Variants in PTPRN2 observed in about 807,000 individuals in gnomAD.
The protein encoded by PTPRN2 is protein tyrosine phosphatase receptor type N2, also known as receptor-type tyrosine-protein phosphatase N2.
A neutral mutation model predicts 118.8 loss-of-function variants in PTPRN2; 74 were observed. The ratio of observed to expected loss-of-function variants is 0.62; its 90% CI spans 0.52 to 0.76. The LOEUF is 0.76. Ranked by LOEUF, PTPRN2 falls within the 30% of genes least tolerant of loss-of-function variation. The pLI, the probability that PTPRN2 is intolerant of heterozygous loss-of-function variation, is 0.00. For synonymous variants in PTPRN2, 641 were observed against 608.0 expected, an observed-to-expected ratio of 1.05 and a Z score of -0.80; for missense variants, 1,481 against 1,394.4, an observed-to-expected ratio of 1.06 and a Z score of -0.99.
chr7:157,982,531 CGAGGAGGGGAA>C (rs1803350941), intron 11 of PTPRN2, among the ~76,000 whole-genome samples: 1 of 103,594 alleles, frequency 9.7e-6, no homozygotes, highest in Non-Finnish European at 1.9e-5. Flanking sequence ...GTCATAGAGA[CGAGGAGGGGAA>C]TGCAGAGTGC....
intron 12 of PTPRN2, among the ~76,000 whole-genome samples, chr7:157,871,764 TACAC>T (rs5888732): frequency 6.7e-6 from 1 of 149,680 alleles, no homozygotes; most frequent in South Asian, 2.1e-4. Flanking sequence ...TATGCACACA[TACAC>T]ACACACACAC....
chr7:157,743,994 C>T (rs890777791), intron 12 of PTPRN2, among the ~76,000 whole-genome samples: 1 of 152,180 alleles, frequency 6.6e-6, no homozygotes, highest in African/African-American at 2.4e-5. Context: ...CGTGACGGGG[C>T]GATGCTGCTG....
At position 158,125,392 on chromosome 7, in the gene PTPRN2, G is replaced by A. The variant is rs536662758; in HGVS notation, c.1556+8285C>T. Among the ~76,000 whole-genome samples, 11 of 152,198 alleles carry A rather than the reference G, an allele frequency of 7.2e-5. No individual in the cohort carries two copies. The East Asian group carries it at 1.2e-3, about 16-fold the overall frequency. ...TCCCACGGCCACCCCCCTGCCTCGC[G>A]TACTTCCCACGGCCGCTCCCAGCAG... On this transcript the variant is annotated intron_variant, in intron 9 of 22. Coordinates refer to ENST00000389418, the MANE Select transcript of PTPRN2 (RefSeq NM_002847.5).
chr7:157,675,716 G>A (rs894022927), intron 13 of PTPRN2, among the ~76,000 whole-genome samples: 2 of 152,076 alleles, frequency 1.3e-5, no homozygotes, highest in African/African-American at 2.4e-5. Context: ...GCTGCAGACC[G>A]GGCAAGTCAC....
chr7:158,474,671 C>T (rs888957227), intron 2 of PTPRN2, among the ~76,000 whole-genome samples: 1 of 152,108 alleles, frequency 6.6e-6, no homozygotes, highest in Non-Finnish European at 1.5e-5. Context: ...GGCGGGTGCC[C>T]GTCTGAGAGG....
chr7:157,580,255 CTCTT>C (rs915537950), intron 17 of PTPRN2, among the ~76,000 whole-genome samples: 2 of 152,270 alleles, frequency 1.3e-5, no homozygotes, highest in African/African-American at 2.4e-5. Flanking sequence ...CTAAAACTGT[CTCTT>C]TCAGGAAGTA....
rs1413435924 is a variant in PTPRN2 at position 158,269,011 on chromosome 7, C to T, written c.277+47808G>A. ...TGAAAATCGCAGCTTTTTGAACGCA[C>T]ACACTGAACCTCCCCGGCTTTGTTT... On this transcript the variant is annotated intron_variant, in intron 3 of 22. Coordinates refer to ENST00000389418, the MANE Select transcript of PTPRN2 (RefSeq NM_002847.5). Among the ~76,000 whole-genome samples the T allele has an allele frequency of 1.3e-5, 2 of 152,226 alleles. 1 individual carries two copies. Among genetic ancestry groups the T allele is most frequent in the Non-Finnish European group, 2.9e-5 (2 of 68,038 alleles).
intron 2 of PTPRN2, among the ~76,000 whole-genome samples, chr7:158,363,635 T>A (rs967280183): frequency 1.3e-5 from 2 of 152,050 alleles, no homozygotes; most frequent in Admixed American, 1.3e-4. Flanking sequence ...GCTGATACAG[T>A]GAGACAGGCA....
chr7:158,232,725 T>C (rs1404832571), intron 3 of PTPRN2, among the ~76,000 whole-genome samples: 1 of 152,054 alleles, frequency 6.6e-6, no homozygotes, highest in African/African-American at 2.4e-5. Flanking sequence ...AAAAGATCAT[T>C]CAACATGATC....
At position 157,598,010 on chromosome 7, in the gene PTPRN2, T is replaced by A. The variant is rs1801447048; in HGVS notation, c.2419-2695A>T. On this transcript the variant is annotated intron_variant, in intron 16 of 22. Coordinates refer to ENST00000389418, the MANE Select transcript of PTPRN2 (RefSeq NM_002847.5). This position sits in a 1 kb window ranked among gnomAD's most constrained non-coding sequence, Gnocchi z 5.2. ...GGCCACAGGCAGCCTCCTTGTGGTC[T>A]CACGCAGGCTTCGAGGAAAAGTCAA... 6.6e-6 allele frequency among the ~76,000 whole-genome samples: 1 copy of A among 152,256 alleles called. No individual in the cohort carries two copies. The highest frequency in any genetic ancestry group is 2.1e-4 in the South Asian group (1 of 4,836).
intron 19 of PTPRN2, among the ~76,000 whole-genome samples, chr7:157,573,477 C>T (rs951408564): frequency 6.6e-6 from 1 of 152,220 alleles, no homozygotes; most frequent in Admixed American, 6.5e-5. Flanking sequence ...TCCACACCCA[C>T]CAGTCACCAG....
intron 11 of PTPRN2, among the ~76,000 whole-genome samples, chr7:158,002,304 C>T (rs1014448489): frequency 2.6e-5 from 4 of 152,110 alleles, no homozygotes; most frequent in Non-Finnish European, 2.9e-5. Flanking sequence ...GTTGGTTCTA[C>T]GGAGGATGAG....
chr7:158,542,472 C>T lies in PTPRN2; in HGVS notation c.112+45086G>A, dbSNP rs115600070. On this transcript the variant is annotated intron_variant, in intron 1 of 22. Transcript: ENST00000389418. ...CTGGCCTTTTTAAATTGATTTCCTA[C>T]TCTTACTGGGACATAAGAAAGCTAT... is the stretch of plus-strand genomic sequence containing the variant. Among the ~76,000 whole-genome samples the T allele has an allele frequency of 6.4e-3, 974 of 152,300 alleles. 7 individuals are homozygous for T. Among genetic ancestry groups the T allele is most frequent in the African/African-American group, 0.022 (930 of 41,552 alleles).
At chr7:157,914,100 C>A (rs1798244186) in intron 11 of PTPRN2, among the ~76,000 whole-genome samples, 1 of 152,166 alleles carries the variant, frequency 6.6e-6, no homozygotes, top group African/African-American at 2.4e-5. Flanking sequence ...TATGCCAAAG[C>A]ATCTATATTA....
rs550306001 is a variant in PTPRN2, at chr7:158,440,655, G to C, written c.163+49080C>G. On this transcript the variant is annotated intron_variant, in intron 2 of 22. Coordinates refer to ENST00000389418, the MANE Select transcript of PTPRN2 (RefSeq NM_002847.5). Reference sequence around the variant, plus strand: ...TGGTGATGATGGTGGCAGTAGTGATGGTGGTAGTGATAGTGACAGGGTGGT... The same window carrying C: ...TGGTGATGATGGTGGCAGTAGTGATCGTGGTAGTGATAGTGACAGGGTGGT... 2.1e-3 allele frequency among the ~76,000 whole-genome samples: 235 copies of C among 111,568 alleles called. 8 individuals are homozygous for C. Among genetic ancestry groups the C allele is most frequent in the African/African-American group, 8.1e-3 (226 of 28,032 alleles). The allele number at this position is 111,568 out of a possible 152,430, so 73.2% of individuals were successfully genotyped here.
intron 2 of PTPRN2, among the ~76,000 whole-genome samples, chr7:158,362,425 A>C (rs1176074490): frequency 6.6e-6 from 1 of 152,252 alleles, no homozygotes; most frequent in Admixed American, 6.5e-5. Flanking sequence ...ATTTGTAATT[A>C]AAGATGGCCT....
At chr7:157,800,670 C>T (rs1362570642) in intron 12 of PTPRN2, among the ~76,000 whole-genome samples, 1 of 152,150 alleles carries the variant, frequency 6.6e-6, no homozygotes, top group Non-Finnish European at 1.5e-5. Flanking sequence ...ATATGAATAC[C>T]TGCCGGGTGC....
intron 10 of PTPRN2, among the ~76,000 whole-genome samples, chr7:158,082,521 G>T (rs1394384495): frequency 2.0e-5 from 3 of 152,222 alleles, no homozygotes; most frequent in African/African-American, 7.2e-5. Context: ...CCATTACGAG[G>T]CAGCACAATT....
chr7:157,594,588 C>A (rs1276394867), intron 17 of PTPRN2, among the ~76,000 whole-genome samples: 2 of 152,266 alleles, frequency 1.3e-5, no homozygotes, highest in Non-Finnish European at 2.9e-5. Flanking sequence ...GTGTGCCCGA[C>A]ACGCGGCCGG....
Sources: allele counts gnomAD v4.1 joint callset (sites outside exome capture counted in the v4.1 genomes callset), GRCh38; gene constraint gnomAD v4.1.1; non-coding constraint Gnocchi (gnomAD v3.1); transcripts MANE v1.5; gene names NCBI Gene and HGNC (gene_info 2026-07-23, HGNC 2026-07-21).